Variants in ABCB5 observed in about 807,000 individuals in gnomAD.
The protein encoded by ABCB5 is ATP-binding cassette sub-family B member 5.
ABCB5 carries 155 observed loss-of-function variants against 144.2 expected under a neutral mutation model. The observed-to-expected ratio is 1.08, with a 90% CI of 0.94 to 1.23. ABCB5 has a LOEUF of 1.23. Among genes scored for constraint, ABCB5 ranks in the 50% most tolerant of loss-of-function variants. The pLI is 0.00. For missense variants in ABCB5, 1,830 were observed against 1,520.8 expected, an observed-to-expected ratio of 1.20 and a Z score of -3.38; for synonymous variants, 610 against 528.6, an observed-to-expected ratio of 1.15 and a Z score of -2.11.
At chr7:20,624,975 G>A (rs1169891258) in intron 2 of ABCB5, among the ~76,000 whole-genome samples, 1 of 152,226 alleles carries the variant, frequency 6.6e-6, no homozygotes, top group Non-Finnish European at 1.5e-5. Flanking sequence ...CGCTGATAAA[G>A]AGACTTTCAC....
At chr7:20,690,302 C>G (rs923218910) in intron 16 of ABCB5, among the ~76,000 whole-genome samples, 1 of 152,178 alleles carries the variant, frequency 6.6e-6, no homozygotes, top group African/African-American at 2.4e-5. Context: ...TTACACTCAT[C>G]ATTATTATAT....
chr7:20,660,789 G>A (rs544606142), intron 14 of ABCB5, among the ~76,000 whole-genome samples: 2 of 152,254 alleles, frequency 1.3e-5, no homozygotes, highest in African/African-American at 2.4e-5. Context: ...AAGACATAAT[G>A]AAGTGTATCC....
At position 20,745,361 on chromosome 7, in the gene ABCB5, C is replaced by T. The variant is rs576106924; in HGVS notation, c.3352C>T (p.Arg1118Cys). The T allele has an allele frequency of 9.9e-6, 16 of 1,613,986 alleles. No individual in the cohort carries two copies. The highest frequency in any genetic ancestry group is 5.5e-5 in the South Asian group (5 of 91,084). The change falls in exon 26 of 28, where the codon CGT becomes TGT. Residue 1118 changes from arginine to cysteine, a missense_variant. Physicochemically the swap from Arg to Cys is radical, Grantham distance 180. Transcript: ENST00000404938. ...AENIAYGDNS[R>C]VVPLDEIKEA... Reference sequence around the variant, plus strand: ...GAACATCGCCTATGGTGACAACAGCCGTGTGGTGCCATTAGATGAGATCAA... The same window carrying T: ...GAACATCGCCTATGGTGACAACAGCTGTGTGGTGCCATTAGATGAGATCAA...
At chr7:20,718,763 A>G (rs1029523728) in intron 20 of ABCB5, among the ~76,000 whole-genome samples, 1 of 152,180 alleles carries the variant, frequency 6.6e-6, no homozygotes, top group Non-Finnish European at 1.5e-5. Context: ...ATTTCTTCAG[A>G]GGTTTATAAC....
At chr7:20,711,494 C>T in intron 20 of ABCB5, among the ~76,000 whole-genome samples, 1 of 143,718 alleles carries the variant, frequency 7.0e-6, no homozygotes, top group African/African-American at 2.6e-5. Flanking sequence ...CACGGTCTCA[C>T]TCTGTTATCC....
intron 12 of ABCB5, among the ~76,000 whole-genome samples, chr7:20,650,998 G>A (rs1784564879): frequency 6.6e-6 from 1 of 152,198 alleles, no homozygotes; most frequent in African/African-American, 2.4e-5. Context: ...GTAGAGCAAT[G>A]AATAGGAGAC....
intron 14 of ABCB5, among the ~76,000 whole-genome samples, chr7:20,681,008 T>TTCTCTCTCTCTCTCTC (rs1184687536): frequency 1.8e-4 from 1 of 5,574 alleles, no homozygotes; most frequent in African/African-American, 9.9e-4. Context: ...CTTTCTTTCT[T>TTCTCTCTCTCTCTCTC]TCTTTCTTTC....
chr7:20,727,103 G>T lies in ABCB5; in HGVS notation c.2689G>T (p.Glu897Ter). 1 of 1,613,604 alleles carries T rather than the reference G, an allele frequency of 6.2e-7. No homozygotes were observed. Among genetic ancestry groups the T allele is most frequent in the Non-Finnish European group, 8.5e-7 (1 of 1,179,796 alleles). The change falls in exon 22 of 28, where the codon GAG becomes TAG. Residue 897 changes from glutamate (E) to a stop codon, truncating the protein, a stop_gained. Coordinates refer to ENST00000404938, the MANE Select transcript of ABCB5 (RefSeq NM_001163941.2). LOFTEE classifies it high-confidence loss of function. ...GTCATTAACAAGGGAAAAAGCCTTC[G>T]AGCAAATGTATGAAGAGATGCTTCA... ...IVSLTREKAF[E>*]QMYEEMLQTQ...
chr7:20,670,568 C>T lies in ABCB5; in HGVS notation c.1708-10937C>T, dbSNP rs146350624. ...CATTCATAAGGGTGTGCTGTATAAG[C>T]GAGGCTTAGAATTACCACACCAAAG... On this transcript the variant is annotated intron_variant, in intron 14 of 27. Coordinates refer to ENST00000404938, the MANE Select transcript of ABCB5 (RefSeq NM_001163941.2). Among the ~76,000 whole-genome samples, 239 of 152,198 alleles carry T rather than the reference C, an allele frequency of 1.6e-3. 1 individual carries two copies. Among genetic ancestry groups the T allele is most frequent in the African/African-American group, 5.6e-3 (232 of 41,518 alleles).
At chr7:20,656,975 A>T (rs1464569158) in intron 13 of ABCB5, among the ~76,000 whole-genome samples, 3 of 143,444 alleles carry the variant, frequency 2.1e-5, no homozygotes, top group Non-Finnish European at 4.5e-5. Context: ...AGTGCAATGC[A>T]CAATCTCAGC....
At chr7:20,742,271 G>A (rs559304733) in intron 24 of ABCB5, among the ~76,000 whole-genome samples, 11 of 152,296 alleles carry the variant, frequency 7.2e-5, no homozygotes, top group Middle Eastern at 3.4e-3. Flanking sequence ...CTACTCAGGA[G>A]GCTGAGGTGG....
chr7:20,723,231 A>G lies in ABCB5; in HGVS notation c.2625+12A>G, dbSNP rs758728533. 1.2e-6 allele frequency: 2 copies of G among 1,612,550 alleles called. No homozygotes were observed. Among genetic ancestry groups the G allele is most frequent in the Non-Finnish European group, 1.7e-6 (2 of 1,178,882 alleles). ...AGCATGCTGGAAAGGTAAAATGAAG[A>G]CTGTTATCACCATCGTAACATTTAA... On this transcript the variant is annotated intron_variant, in intron 21 of 27. Coordinates refer to ENST00000404938, the MANE Select transcript of ABCB5 (RefSeq NM_001163941.2).
intron 3 of ABCB5, among the ~76,000 whole-genome samples, chr7:20,627,293 G>A (rs546018149): frequency 1.3e-5 from 2 of 152,196 alleles, no homozygotes; most frequent in East Asian, 1.9e-4. Context: ...TTATCAAGGA[G>A]ATAACATTAT....
At chr7:20,616,924 C>T (rs1041105276) in intron 1 of ABCB5, among the ~76,000 whole-genome samples, 24 of 152,296 alleles carry the variant, frequency 1.6e-4, no homozygotes, top group Admixed American at 1.4e-3. Flanking sequence ...AATAGTATTC[C>T]TTCTGCCTGG....
At chr7:20,661,848 T>C (rs1307851826) in intron 14 of ABCB5, among the ~76,000 whole-genome samples, 1 of 152,162 alleles carries the variant, frequency 6.6e-6, no homozygotes, top group East Asian at 1.9e-4. Flanking sequence ...TGAAATGTTC[T>C]TTTCTGGACT....
intron 13 of ABCB5, among the ~76,000 whole-genome samples, chr7:20,656,253 A>T (rs989025613): frequency 4.6e-5 from 7 of 152,220 alleles, no homozygotes; most frequent in African/African-American, 1.7e-4. Flanking sequence ...AAGCATTACT[A>T]TAAAAAAAAG....
At chr7:20,634,671 T>A (rs747099334) in intron 5 of ABCB5, among the ~76,000 whole-genome samples, 1 of 152,170 alleles carries the variant, frequency 6.6e-6, no homozygotes, top group Non-Finnish European at 1.5e-5. Context: ...TTTTTTCATA[T>A]GCTTTTTGGA....
intron 20 of ABCB5, 41 bp downstream of exon 20, chr7:20,704,848 G>C: frequency 6.7e-7 from 1 of 1,502,096 alleles, no homozygotes; most frequent in Non-Finnish European, 9.2e-7. Context: ...TATGTATGTG[G>C]TGTGCACACA....
intron 3 of ABCB5, 70 bp from the exon 4 acceptor site, chr7:20,628,618 T>G: frequency 6.6e-7 from 1 of 1,509,052 alleles, no homozygotes; most frequent in Non-Finnish European, 9.0e-7. Flanking sequence ...GGCTGTTGTG[T>G]GTGTGTGTGT....
Sources: gnomAD v4.1 joint callset for allele counts (sites outside exome capture counted in the v4.1 genomes callset) on GRCh38, gnomAD v4.1.1 for gene constraint, MANE v1.5 for transcripts, NCBI Gene and HGNC (gene_info 2026-07-23, HGNC 2026-07-21) for gene names.